Variants in IGSF21 observed in about 807,000 individuals in gnomAD.
IGSF21 encodes the protein immunoglobulin superfamily member 21.
Under a neutral mutation model 46.8 loss-of-function variants are expected in IGSF21, and 28 were observed. The observed-to-expected ratio is 0.60, with a 90% CI of 0.44 to 0.82. The LOEUF (loss-of-function observed/expected upper bound fraction) is 0.82, where lower values mean the gene tolerates loss of function less well. IGSF21 is among the 40% of genes least tolerant of loss of function. The pLI is 0.00. For missense variants in IGSF21, 624 were observed against 665.5 expected, an observed-to-expected ratio of 0.94 and a Z score of 0.69; for synonymous variants, 284 against 273.6, an observed-to-expected ratio of 1.04 and a Z score of -0.38.
At chr1:18,170,246 A>G (rs536343328) in intron 1 of IGSF21, among the ~76,000 whole-genome samples, 2 of 152,240 alleles carry the variant, frequency 1.3e-5, no homozygotes, top group African/African-American at 4.8e-5. Context: ...TGAGGTCAGA[A>G]AGAGAGATTC....
At chr1:18,209,789 G>A (rs1164012804) in intron 1 of IGSF21, among the ~76,000 whole-genome samples, 1 of 152,002 alleles carries the variant, frequency 6.6e-6, no homozygotes, top group African/African-American at 2.4e-5. Context: ...AATGGTACTG[G>A]ACAGTTGGTG....
intron 1 of IGSF21, among the ~76,000 whole-genome samples, chr1:18,193,244 T>C (rs1187245816): frequency 6.6e-6 from 1 of 151,834 alleles, no homozygotes; most frequent in Non-Finnish European, 1.5e-5. Flanking sequence ...AAAGAGGCAG[T>C]GGGAGAGCCA....
intron 1 of IGSF21, among the ~76,000 whole-genome samples, chr1:18,141,587 G>C (rs764259541): frequency 1.3e-4 from 20 of 152,176 alleles, no homozygotes; most frequent in Admixed American, 1.3e-3. Context: ...ATATGACTGA[G>C]AGTGAGGGAC....
intron 3 of IGSF21, among the ~76,000 whole-genome samples, chr1:18,323,210 A>T (rs1322899801): frequency 6.6e-6 from 1 of 152,176 alleles, no homozygotes; most frequent in African/African-American, 2.4e-5. Flanking sequence ...CCACTGGTAA[A>T]TCATGACTGG....
intron 3 of IGSF21, among the ~76,000 whole-genome samples, chr1:18,318,233 G>T (rs11260982): frequency 6.6e-6 from 1 of 152,236 alleles, no homozygotes; most frequent in South Asian, 2.1e-4. Flanking sequence ...CTGGCCCCCC[G>T]TCCCAAATTT....
chr1:18,363,097 C>A (rs1163483385), intron 5 of IGSF21, among the ~76,000 whole-genome samples: 1 of 152,214 alleles, frequency 6.6e-6, no homozygotes, highest in African/African-American at 2.4e-5. Context: ...ACTCTCATTG[C>A]ACCTGAAGCA....
At chr1:18,143,912 GACCTC>G (rs926756630) in intron 1 of IGSF21, among the ~76,000 whole-genome samples, 4 of 152,094 alleles carry the variant, frequency 2.6e-5, no homozygotes, top group Non-Finnish European at 5.9e-5. Context: ...ATCAGACTGG[GACCTC>G]ACCGGGGCTG....
chr1:18,119,144 C>G (rs57203757), intron 1 of IGSF21, among the ~76,000 whole-genome samples: 2 of 152,166 alleles, frequency 1.3e-5, no homozygotes, highest in East Asian at 1.9e-4. Flanking sequence ...TCCCTTCTTC[C>G]CTTCCCTCCT....
At chr1:18,309,233 C>T (rs529585106) in intron 3 of IGSF21, among the ~76,000 whole-genome samples, 2 of 152,244 alleles carry the variant, frequency 1.3e-5, no homozygotes, top group South Asian at 4.1e-4. Context: ...AATATAAAGG[C>T]ATATTTCATC....
chr1:18,249,332 CAGCCCGAGTT>C (rs2084814391), intron 2 of IGSF21, among the ~76,000 whole-genome samples: 2 of 152,148 alleles, frequency 1.3e-5, no homozygotes, highest in African/African-American at 4.8e-5. Context: ...AAAGTGATGG[CAGCCCGAGTT>C]AGGGGATCAG....
intron 1 of IGSF21, among the ~76,000 whole-genome samples, chr1:18,126,211 AGCTC>A (rs11277526): frequency 0.45 from 68,639 of 151,578 alleles, 15,812 homozygotes; most frequent in African/African-American, 0.5. Context: ...TCAAGCTGAG[AGCTC>A]GCTCGCTTTG....
intron 4 of IGSF21, among the ~76,000 whole-genome samples, chr1:18,354,819 A>G (rs2085997763): frequency 6.6e-6 from 1 of 152,206 alleles, no homozygotes; most frequent in Admixed American, 6.5e-5. Context: ...GGCGTGGGCC[A>G]TTGGAGAGAT....
In IGSF21 at chr1:18,336,375, A is replaced by G. The variant is rs1423397275; in HGVS notation, c.424+1365A>G. Among the ~76,000 whole-genome samples, 6 of 152,322 alleles carry G rather than the reference A, an allele frequency of 3.9e-5. 1 individual carries two copies. Among genetic ancestry groups the G allele is most frequent in the African/African-American group, 1.4e-4 (6 of 41,576 alleles). On this transcript the variant is annotated intron_variant, in intron 4 of 9. Coordinates refer to ENST00000251296, the MANE Select transcript of IGSF21 (RefSeq NM_032880.5). ...CTGAGTGCTTTACATGTGTTATGTC[A>G]TTTAGTCCTCACAACCAATCCAAGG...
intron 1 of IGSF21, among the ~76,000 whole-genome samples, chr1:18,174,385 A>G (rs1343010856): frequency 6.6e-6 from 1 of 152,128 alleles, no homozygotes; most frequent in Non-Finnish European, 1.5e-5. Flanking sequence ...ATGCTTCATT[A>G]CTATTCTTCC....
intron 2 of IGSF21, among the ~76,000 whole-genome samples, chr1:18,281,525 C>T (rs949400613): frequency 5.3e-5 from 8 of 150,432 alleles, no homozygotes; most frequent in Admixed American, 6.6e-5. Context: ...GACATGGTGC[C>T]GCTGCACTCC....
At chr1:18,228,541 G>A (rs1318197164) in intron 2 of IGSF21, among the ~76,000 whole-genome samples, 2 of 152,186 alleles carry the variant, frequency 1.3e-5, no homozygotes, top group Non-Finnish European at 2.9e-5. Flanking sequence ...CAGGGCCCAG[G>A]TGTTGGCACC....
chr1:18,308,632 C>A (rs2085451529), intron 3 of IGSF21, among the ~76,000 whole-genome samples: 1 of 152,206 alleles, frequency 6.6e-6, no homozygotes, highest in Non-Finnish European at 1.5e-5. Flanking sequence ...AGTGTGCAAG[C>A]TCCAGAATGG....
intron 1 of IGSF21, among the ~76,000 whole-genome samples, chr1:18,126,766 C>T (rs1295308770): frequency 2.0e-5 from 3 of 152,224 alleles, no homozygotes; most frequent in Middle Eastern, 3.4e-3. Flanking sequence ...TGCTGGCTTC[C>T]GCTGGCACAG....
At chr1:18,113,818 G>C (rs1015980992) in intron 1 of IGSF21, 2 of 152,100 alleles carry the variant, frequency 1.3e-5, no homozygotes, top group African/African-American at 4.8e-5. Flanking sequence ...CTATCTCCCA[G>C]TGTACTGAGA....
Sources: allele counts gnomAD v4.1 joint callset (sites outside exome capture counted in the v4.1 genomes callset), GRCh38; gene constraint gnomAD v4.1.1; transcripts MANE v1.5; gene names NCBI Gene and HGNC (gene_info 2026-07-23, HGNC 2026-07-21).